The following SDCCAG8 variants were observed in gnomAD, a reference collection of about 807,000 sequenced individuals.
SDCCAG8 encodes the protein serologically defined colon cancer antigen 8.
A neutral mutation model predicts 101.8 loss-of-function variants in SDCCAG8; 74 were observed. The ratio of observed to expected loss-of-function variants is 0.73; its 90% CI spans 0.60 to 0.88. SDCCAG8 has a LOEUF of 0.88. Among genes scored for constraint, SDCCAG8 ranks in the 40% least tolerant of loss-of-function variants. The pLI is 0.00. For missense variants in SDCCAG8, 787 were observed against 822.6 expected (o/e 0.96, Z 0.53); for synonymous variants, 281 against 292.9 (o/e 0.96, Z 0.41).
chr1:243,381,594 A>C (rs938689519), intron 13 of SDCCAG8, among the ~76,000 whole-genome samples: 2 of 152,300 alleles, frequency 1.3e-5, no homozygotes, highest in Non-Finnish European at 2.9e-5. Context: ...GTCTCTAAAA[A>C]AAAAAAATGG....
intron 7 of SDCCAG8, chr1:243,305,424 T>C (rs926937366): frequency 3.3e-5 from 5 of 152,174 alleles, no homozygotes; most frequent in African/African-American, 1.2e-4. Context: ...ATTTTTTCTC[T>C]GTAGATAGTC....
intron 8 of SDCCAG8, among the ~76,000 whole-genome samples, chr1:243,315,261 T>C (rs1019272918): frequency 1.3e-5 from 2 of 152,246 alleles, no homozygotes; most frequent in Non-Finnish European, 2.9e-5. Context: ...TATAGAACTT[T>C]TATGGAAATG....
At chr1:243,461,820 A>G (rs982456405) in intron 16 of SDCCAG8, among the ~76,000 whole-genome samples, 2 of 152,082 alleles carry the variant, frequency 1.3e-5, no homozygotes, top group African/African-American at 2.4e-5. Context: ...TCCTCTTCTC[A>G]ATTCTAAGAA....
chr1:243,333,461 G>A (rs2074773442), intron 10 of SDCCAG8, among the ~76,000 whole-genome samples: 1 of 152,242 alleles, frequency 6.6e-6, no homozygotes, highest in Non-Finnish European at 1.5e-5. Flanking sequence ...ACTCACCTAG[G>A]TGATTCCAAT....
intron 16 of SDCCAG8, among the ~76,000 whole-genome samples, chr1:243,485,767 G>A (rs142553495): frequency 0.029 from 4,466 of 151,854 alleles, 90 homozygotes; most frequent in Non-Finnish European, 0.043. Flanking sequence ...AGCTGGGCAC[G>A]GTGGCAGGAG....
intron 12 of SDCCAG8, among the ~76,000 whole-genome samples, chr1:243,361,870 A>G (rs765065346): frequency 3.9e-5 from 6 of 152,266 alleles, no homozygotes; most frequent in African/African-American, 1.2e-4. Context: ...CTTTTAAACA[A>G]TCAGTTTCTT....
At chr1:243,297,567 C>T (rs2071055329) in intron 6 of SDCCAG8, among the ~76,000 whole-genome samples, 1 of 152,188 alleles carries the variant, frequency 6.6e-6, no homozygotes, top group Non-Finnish European at 1.5e-5. Flanking sequence ...ACACTCCTAC[C>T]AGTAGTACAT....
At chr1:243,381,216 CT>C (rs2077928260) in intron 13 of SDCCAG8, among the ~76,000 whole-genome samples, 2 of 152,114 alleles carry the variant, frequency 1.3e-5, no homozygotes, top group African/African-American at 4.8e-5. Flanking sequence ...AATTTAAAAA[CT>C]GTAGTAGAGA....
chr1:243,278,769 T>A (rs1190258849), intron 4 of SDCCAG8, among the ~76,000 whole-genome samples: 2 of 152,132 alleles, frequency 1.3e-5, no homozygotes, highest in African/African-American at 4.8e-5. Flanking sequence ...TTGTGTTTTT[T>A]AAATTTTTCA....
chr1:243,470,177 G>T (rs981607192), intron 16 of SDCCAG8, among the ~76,000 whole-genome samples: 4 of 152,202 alleles, frequency 2.6e-5, no homozygotes, highest in African/African-American at 9.7e-5. Flanking sequence ...GCTGTCCCAT[G>T]TGTGCAGTGC....
intron 16 of SDCCAG8, 119 bp from the exon 17 acceptor site, chr1:243,488,895 A>G: frequency 6.9e-7 from 1 of 1,443,268 alleles, no homozygotes; most frequent in Non-Finnish European, 9.6e-7. Context: ...CCTCAGGGTC[A>G]CCCTAGGCGT....
At chr1:243,271,792 C>A (rs886527837) in intron 3 of SDCCAG8, among the ~76,000 whole-genome samples, 2 of 152,140 alleles carry the variant, frequency 1.3e-5, no homozygotes, top group Admixed American at 1.3e-4. Flanking sequence ...AATCCATCAG[C>A]CTCGGCCTCC....
intron 11 of SDCCAG8, among the ~76,000 whole-genome samples, chr1:243,342,387 A>G (rs1553317756): frequency 1.3e-5 from 2 of 152,234 alleles, no homozygotes; most frequent in Non-Finnish European, 2.9e-5. Flanking sequence ...TTCTGGTTCA[A>G]TTTAATGTGT....
At chr1:243,450,359 C>G (rs981799383) in intron 16 of SDCCAG8, among the ~76,000 whole-genome samples, 1 of 152,168 alleles carries the variant, frequency 6.6e-6, no homozygotes, top group African/African-American at 2.4e-5. Flanking sequence ...GTTTGAACTC[C>G]CCTGGCTTCA....
chr1:243,463,930 C>T (rs58628634), intron 16 of SDCCAG8, among the ~76,000 whole-genome samples: 4,922 of 152,014 alleles, frequency 0.032, 256 homozygotes, highest in African/African-American at 0.11. Flanking sequence ...TCGGTGTTCC[C>T]GTGAGAGCCA....
intron 17 of SDCCAG8, among the ~76,000 whole-genome samples, chr1:243,493,129 C>G (rs912313511): frequency 3.3e-5 from 5 of 151,552 alleles, no homozygotes; most frequent in African/African-American, 9.7e-5. Context: ...GACACACACC[C>G]TGGCCTGTCT....
chr1:243,495,249 G>T (rs961403158), intron 17 of SDCCAG8, among the ~76,000 whole-genome samples: 4 of 152,216 alleles, frequency 2.6e-5, no homozygotes, highest in Non-Finnish European at 5.9e-5. Flanking sequence ...GTGCGGGGCC[G>T]CCTCCCTCTC....
intron 10 of SDCCAG8, chr1:243,338,718 A>G (rs147761578): frequency 6.6e-6 from 1 of 152,214 alleles, no homozygotes; most frequent in Non-Finnish European, 1.5e-5. Flanking sequence ...GTACAGCTTC[A>G]TACCAGGTTC....
intron 15 of SDCCAG8, among the ~76,000 whole-genome samples, chr1:243,419,684 G>A (rs1353748064): frequency 1.3e-5 from 2 of 152,132 alleles, no homozygotes; most frequent in Non-Finnish European, 2.9e-5. Context: ...TCTAACATAG[G>A]TATTTCTGGT....
Sources: gnomAD v4.1 joint callset for allele counts (sites outside exome capture counted in the v4.1 genomes callset) on GRCh38, gnomAD v4.1.1 for gene constraint, MANE v1.5 for transcripts, NCBI Gene and HGNC (gene_info 2026-07-23, HGNC 2026-07-21) for gene names.